CTNNA3: variants seen among roughly 807,000 people sequenced by gnomAD.
The protein encoded by CTNNA3 is catenin alpha-3.
Under a neutral mutation model 95.7 loss-of-function variants are expected in CTNNA3, and 76 were observed. The ratio of observed to expected loss-of-function variants is 0.79; its 90% CI spans 0.66 to 0.96. The LOEUF (loss-of-function observed/expected upper bound fraction) is 0.96. Among genes scored for constraint, CTNNA3 ranks in the 40% least tolerant of loss-of-function variants. The pLI, the probability that CTNNA3 is intolerant of heterozygous loss-of-function variation, is 0.00. For missense variants in CTNNA3, 1,191 were observed against 1,089.8 expected, an observed-to-expected ratio of 1.09 and a Z score of -1.31; for synonymous variants, 431 against 374.4, an observed-to-expected ratio of 1.15 and a Z score of -1.74.
At chr10:67,171,972 T>C (rs1862040862) in intron 7 of CTNNA3, among the ~76,000 whole-genome samples, 1 of 152,202 alleles carries the variant, frequency 6.6e-6, no homozygotes, top group Admixed American at 6.5e-5. Context: ...TAATGGCCAG[T>C]ACTTAGTCTC....
At chr10:66,106,719 C>A (rs908056706) in intron 13 of CTNNA3, among the ~76,000 whole-genome samples, 1 of 152,028 alleles carries the variant, frequency 6.6e-6, no homozygotes, top group Non-Finnish European at 1.5e-5. Flanking sequence ...CCAATATACA[C>A]CTTTATATTT....
intron 1 of CTNNA3, among the ~76,000 whole-genome samples, chr10:67,667,389 TA>T (rs1446921135): frequency 4.6e-5 from 7 of 152,122 alleles, no homozygotes; most frequent in Non-Finnish European, 8.8e-5. Context: ...TGGCTGAAGA[TA>T]AAAAATTTTC....
chr10:66,114,438 ATGTGTATATATGTATATATG>A (rs1202344956), intron 13 of CTNNA3, among the ~76,000 whole-genome samples: 2 of 148,764 alleles, frequency 1.3e-5, no homozygotes, highest in African/African-American at 5.1e-5. Context: ...GTATGTATAT[ATGTGTATATATGTATATATG>A]TGTATATATG....
chr10:67,039,551 CTTT>C (rs898132943), intron 7 of CTNNA3, among the ~76,000 whole-genome samples: 56 of 152,138 alleles, frequency 3.7e-4, no homozygotes, highest in Non-Finnish European at 7.1e-4. Context: ...GTTGTTGATA[CTTT>C]TTTTGTTTAA....
At chr10:66,147,038 T>C (rs2083921205) in intron 13 of CTNNA3, among the ~76,000 whole-genome samples, 1 of 152,190 alleles carries the variant, frequency 6.6e-6, no homozygotes, top group Non-Finnish European at 1.5e-5. Context: ...CTCTTGAAGG[T>C]TGAAATTTTT....
In CTNNA3 at chr10:66,857,148, T is replaced by G. The variant is rs80085913; in HGVS notation, c.1048-81624A>C. On this transcript the variant is annotated intron_variant, in intron 7 of 17. Transcript: ENST00000433211. ...GGCTAGCCAGTTATTCTAGCACAAT[T>G]TATTAAGGGAGTCCTTACCTCATTG... Among the ~76,000 whole-genome samples, 1,199 of 152,244 alleles carry G rather than the reference T, an allele frequency of 7.9e-3. 5 individuals are homozygous for G. The highest frequency in any genetic ancestry group is 0.022 in the Admixed American group (331 of 15,270).
At chr10:66,674,031 G>A (rs1012967372) in intron 9 of CTNNA3, among the ~76,000 whole-genome samples, 4 of 149,210 alleles carry the variant, frequency 2.7e-5, no homozygotes, top group Admixed American at 2.0e-4. Flanking sequence ...TTTTTTTTTT[G>A]GTCTGAAGCC....
chr10:66,037,408 A>G (rs1028984863), intron 15 of CTNNA3, among the ~76,000 whole-genome samples: 1 of 152,166 alleles, frequency 6.6e-6, no homozygotes, highest in Non-Finnish European at 1.5e-5. Flanking sequence ...CTCTTTAATT[A>G]GTTTATGAAG....
chr10:66,199,811 T>TATATATATATAA (rs1564756727), intron 13 of CTNNA3, among the ~76,000 whole-genome samples: 2 of 29,480 alleles, frequency 6.8e-5, no homozygotes, highest in African/African-American at 1.8e-4. Context: ...ATATATTTTT[T>TATATATATATAA]TTTTTTTTTT....
At chr10:67,691,795 G>A (rs1252341674) in intron 1 of CTNNA3, among the ~76,000 whole-genome samples, 13 of 136,954 alleles carry the variant, frequency 9.5e-5, no homozygotes, top group East Asian at 2.4e-4. Flanking sequence ...CAGCCGCCCC[G>A]TCCAGGAGGT....
chr10:66,845,716 A>AAAC (rs1843234810), intron 7 of CTNNA3, among the ~76,000 whole-genome samples: 3 of 127,040 alleles, frequency 2.4e-5, no homozygotes, highest in Admixed American at 1.7e-4. Context: ...AAAAAAAAAA[A>AAAC]AAAAAAAAAA....
intron 12 of CTNNA3, among the ~76,000 whole-genome samples, chr10:66,345,398 T>C (rs1379765809): frequency 6.6e-6 from 1 of 152,156 alleles, no homozygotes. Flanking sequence ...TTGATTTTGA[T>C]GACCAGCGTT....
intron 11 of CTNNA3, among the ~76,000 whole-genome samples, chr10:66,462,379 A>G (rs560421075): frequency 6.6e-6 from 1 of 152,206 alleles, no homozygotes; most frequent in African/African-American, 2.4e-5. Context: ...ACCTTTACAT[A>G]TGGATTTCAA....
intron 12 of CTNNA3, among the ~76,000 whole-genome samples, chr10:66,350,603 G>C (rs1438444108): frequency 7.8e-6 from 1 of 128,398 alleles, no homozygotes; most frequent in Non-Finnish European, 1.8e-5. Flanking sequence ...ATTGGAAAGG[G>C]GCTCCTGAAA....
At chr10:66,393,059 G>A (rs908181398) in intron 11 of CTNNA3, among the ~76,000 whole-genome samples, 3 of 152,072 alleles carry the variant, frequency 2.0e-5, no homozygotes, top group Non-Finnish European at 4.4e-5. Flanking sequence ...TACAAAAAGC[G>A]ATGAAAAATG....
intron 7 of CTNNA3, among the ~76,000 whole-genome samples, chr10:67,138,554 C>A (rs1860399790): frequency 6.6e-6 from 1 of 152,030 alleles, no homozygotes; most frequent in Non-Finnish European, 1.5e-5. Flanking sequence ...TAATAAGTGC[C>A]CAGCACTGTC....
At chr10:66,322,909 C>T (rs1449509725) in intron 12 of CTNNA3, among the ~76,000 whole-genome samples, 1 of 151,872 alleles carries the variant, frequency 6.6e-6, no homozygotes, top group Admixed American at 6.6e-5. Context: ...GGACCTAGAA[C>T]CAATCTGGTA....
At chr10:66,318,013 CATT>C (rs1181552019) in intron 12 of CTNNA3, among the ~76,000 whole-genome samples, 1 of 151,990 alleles carries the variant, frequency 6.6e-6, no homozygotes, top group Non-Finnish European at 1.5e-5. Flanking sequence ...AGGTGGAAAG[CATT>C]ATGGTATGTG....
At chr10:66,202,540 T>C (rs911639449) in intron 13 of CTNNA3, among the ~76,000 whole-genome samples, 4 of 152,224 alleles carry the variant, frequency 2.6e-5, no homozygotes, top group Non-Finnish European at 5.9e-5. Flanking sequence ...GATTTGTAAA[T>C]CGTTCTTTGC....
Sources: gnomAD v4.1 joint callset for allele counts (sites outside exome capture counted in the v4.1 genomes callset) on GRCh38, gnomAD v4.1.1 for gene constraint, MANE v1.5 for transcripts, NCBI Gene and HGNC (gene_info 2026-07-23, HGNC 2026-07-21) for gene names.